SCG5: variants seen among roughly 807,000 people sequenced by gnomAD.
The protein encoded by SCG5 is secretogranin V.
A neutral mutation model predicts 25.7 loss-of-function variants in SCG5; 18 were observed. The observed-to-expected ratio is 0.70, with a 90% CI of 0.48 to 1.04. The LOEUF (loss-of-function observed/expected upper bound fraction) is 1.04, where lower values mean the gene tolerates loss of function less well. SCG5 is among the 50% of genes least tolerant of loss of function. SCG5 has a pLI of 0.00. For synonymous variants in SCG5, 101 were observed against 91.7 expected (o/e 1.10, Z -0.58); for missense variants, 206 against 259.8 (o/e 0.79, Z 1.42).
At position 32,651,483 on chromosome 15, in the gene SCG5, G is replaced by GGGAC. The variant is rs374870093; in HGVS notation, c.226+7666_226+7669dup. ...GGGTGAAGCAAACCTTGAACTGTAG[G>GGGAC]GGACACTCCGTTTCTGGCTAGTCTC... On this transcript the variant is annotated intron_variant, in intron 2 of 5. Coordinates refer to ENST00000300175, the MANE Select transcript of SCG5 (RefSeq NM_001144757.3). Among the ~76,000 whole-genome samples the GGGAC allele has an allele frequency of 6.0e-4, 92 of 152,306 alleles. No homozygotes were observed. In the East Asian group the frequency reaches 0.018, roughly 29 times the overall value.
rs568932738 is a variant in SCG5, at chr15:32,659,557, GT to G, written c.226+15741del. 1.9e-3 allele frequency among the ~76,000 whole-genome samples: 285 copies of G among 152,346 alleles called. 3 individuals carry two copies. Among genetic ancestry groups the G allele is most frequent in the African/African-American group, 6.5e-3 (272 of 41,574 alleles). On this transcript the variant is annotated intron_variant, in intron 2 of 5. Transcript: ENST00000300175. ...GGCAGGCTCCTGGCACTACTGGTCA[GT>G]TCCCCCAGTGGCCTGTTCAAGTTTT...
chr15:32,693,573 C>T (rs896762615), intron 5 of SCG5, among the ~76,000 whole-genome samples: 2 of 152,194 alleles, frequency 1.3e-5, no homozygotes, highest in Non-Finnish European at 2.9e-5. Flanking sequence ...CCCACCACCA[C>T]CCCCAGTACA....
intron 4 of SCG5, among the ~76,000 whole-genome samples, chr15:32,690,046 T>A (rs936124769): frequency 1.3e-5 from 2 of 152,164 alleles, no homozygotes; most frequent in Non-Finnish European, 2.9e-5. Context: ...TTTCACCGTG[T>A]TAGCCGGGAT....
intron 2 of SCG5, among the ~76,000 whole-genome samples, chr15:32,668,185 A>G (rs2054353823): frequency 6.6e-6 from 1 of 152,238 alleles, no homozygotes; most frequent in African/African-American, 2.4e-5. Flanking sequence ...CTGCCAAAAA[A>G]TAGTAGTAGC....
intron 5 of SCG5, among the ~76,000 whole-genome samples, 174 bp from the exon 6 acceptor site, chr15:32,696,340 A>G (rs565998560): frequency 6.6e-6 from 1 of 152,030 alleles, no homozygotes; most frequent in South Asian, 2.1e-4. Flanking sequence ...GATGGTCTCG[A>G]TCTCCTGACC....
At chr15:32,687,483 A>C (rs1421231855) in intron 4 of SCG5, among the ~76,000 whole-genome samples, 1 of 152,198 alleles carries the variant, frequency 6.6e-6, no homozygotes, top group African/African-American at 2.4e-5. Context: ...CTACCAGTAA[A>C]ACATTGTTTC....
At chr15:32,671,988 G>A (rs982801640) in intron 2 of SCG5, among the ~76,000 whole-genome samples, 3 of 152,252 alleles carry the variant, frequency 2.0e-5, no homozygotes, top group Non-Finnish European at 4.4e-5. Context: ...AGTCTGAGGG[G>A]AAACCAAAGG....
At chr15:32,691,522 C>A (rs2054856675) in intron 4 of SCG5, among the ~76,000 whole-genome samples, 188 bp from the exon 5 acceptor site, 1 of 152,192 alleles carries the variant, frequency 6.6e-6, no homozygotes, top group Non-Finnish European at 1.5e-5. Context: ...TTATTAAAAG[C>A]CGAACCACCA....
chr15:32,692,085 C>T lies in SCG5; in HGVS notation c.543+322C>T, dbSNP rs1369347805. On this transcript the variant is annotated intron_variant, in intron 5 of 5. Coordinates refer to ENST00000300175, the MANE Select transcript of SCG5 (RefSeq NM_001144757.3). ...TGGGGGGACATGAGGGTCTGTCTGC[C>T]CTCCCAGGGTCTGTAGGCCAGTGGG... 9 of 1,186,868 alleles carry T rather than the reference C, an allele frequency of 7.6e-6. No homozygotes were observed. In the South Asian group the frequency reaches 3.1e-4, roughly 41 times the overall value. The allele number at this position is 1,186,868 out of a possible 1,614,324, so 73.5% of individuals were successfully genotyped here.
chr15:32,691,766 A>G lies in SCG5; in HGVS notation c.543+3A>G, dbSNP rs1174121611. The G allele has an allele frequency of 2.5e-6, 4 of 1,612,476 alleles. No individual in the cohort carries two copies. The African/African-American group carries it at 5.3e-5, about 22-fold the overall frequency. On this transcript the variant is annotated splice_donor_region_variant and intron_variant, in intron 5 of 5. Coordinates refer to ENST00000300175, the MANE Select transcript of SCG5 (RefSeq NM_001144757.3). ...GAGGAGAGAGACGAAAGCGGAGGGT[A>G]ACACGTGCCTGGCTGGATTGTTGCG...
In SCG5 at chr15:32,643,686, C is replaced by A. The variant is rs753708324; in HGVS notation, c.94C>A (p.Pro32Thr). 6.2e-7 allele frequency: 1 copy of A among 1,613,892 alleles called. No individual in the cohort carries two copies. ...AGCATTTGCTTACAGCCCCCGGACC[C>A]CTGACCGGGTCTCAGAAGCAGATAT... Reference protein sequence around the residue: ...TPAFAYSPRTPDRVSEADIQR... With the variant: ...TPAFAYSPRTTDRVSEADIQR... Residue 32 changes from proline to threonine, a missense_variant, in exon 2 of 6, where the codon CCT becomes ACT. Coordinates refer to ENST00000300175, the MANE Select transcript of SCG5 (RefSeq NM_001144757.3).
chr15:32,672,188 G>A (rs2054438480), intron 2 of SCG5, among the ~76,000 whole-genome samples: 1 of 152,252 alleles, frequency 6.6e-6, no homozygotes, highest in South Asian at 2.1e-4. Context: ...CTGGTATTCA[G>A]GGGCCTGTGC....
At chr15:32,673,382 G>T (rs765419153) in intron 2 of SCG5, among the ~76,000 whole-genome samples, 2 of 152,040 alleles carry the variant, frequency 1.3e-5, no homozygotes, top group Non-Finnish European at 2.9e-5. Context: ...TAATAAGCCT[G>T]GCTCTCTCAT....
At chr15:32,655,045 A>G (rs1404503512) in intron 2 of SCG5, among the ~76,000 whole-genome samples, 1 of 152,238 alleles carries the variant, frequency 6.6e-6, no homozygotes, top group Non-Finnish European at 1.5e-5. Flanking sequence ...ATGGTAGCTC[A>G]TGCCTGTAAT....
At chr15:32,644,697 T>C (rs1049051762) in intron 2 of SCG5, among the ~76,000 whole-genome samples, 1 of 152,220 alleles carries the variant, frequency 6.6e-6, no homozygotes, top group African/African-American at 2.4e-5. Flanking sequence ...AGAAGTAGCA[T>C]GGTTAATTTC....
Position 32,663,053 on chromosome 15 carries a change from ATATATATATATATATATATATATAT to A in SCG5, c.227-16712_227-16688del, listed in dbSNP as rs1567076353. Among the ~76,000 whole-genome samples the A allele has an allele frequency of 5.7e-5, 3 of 52,952 alleles. No homozygotes were observed. The East Asian group carries it at 1.3e-3, about 23-fold the overall frequency. 34.7% of individuals were successfully genotyped at this position (52,952 alleles called of 152,430 possible). ...AAAGAATATATATATATATATATAT[ATATATATATATATATATATATATAT>A]AATATATAATATGTTATATATACAC... On this transcript the variant is annotated intron_variant, in intron 2 of 5. Transcript: ENST00000300175.
chr15:32,658,222 A>G (rs997302059), intron 2 of SCG5, among the ~76,000 whole-genome samples: 13 of 152,150 alleles, frequency 8.5e-5, no homozygotes, highest in Admixed American at 3.3e-4. Context: ...CCCTTGTTTA[A>G]GGAATTTGAA....
rs767487541 is a variant in SCG5, at chr15:32,679,851, T to G, written c.312T>G (p.Pro104=). 15 of 1,613,950 alleles carry G rather than the reference T, an allele frequency of 9.3e-6. No individual in the cohort carries two copies. Among genetic ancestry groups the G allele is most frequent in the Non-Finnish European group, 1.2e-5 (14 of 1,179,838 alleles). ...IVAELTGDNI[P]KDFSEDQGYP... is the part of the protein sequence containing the mutation. ...CAGAGTTGACTGGAGACAACATTCC[T>G]AAGGACTTTAGTGAGGATCAGGGGT... The change falls in exon 3 of 6, where the codon CCT becomes CCG. Residue 104 remains proline (P), a synonymous_variant. Coordinates refer to ENST00000300175, the MANE Select transcript of SCG5 (RefSeq NM_001144757.3).
chr15:32,681,602 A>G (rs2054622704), intron 3 of SCG5, among the ~76,000 whole-genome samples: 1 of 150,968 alleles, frequency 6.6e-6, no homozygotes, highest in Non-Finnish European at 1.5e-5. Context: ...GGTGTGTGCC[A>G]CCATGCCCAG....
Sources: allele counts gnomAD v4.1 joint callset (sites outside exome capture counted in the v4.1 genomes callset), GRCh38; gene constraint gnomAD v4.1.1; transcripts MANE v1.5; gene names NCBI Gene and HGNC (gene_info 2026-07-23, HGNC 2026-07-21).